Variants in MYO7A observed in about 807,000 individuals in gnomAD.
The protein encoded by MYO7A is myosin VIIA, also known as unconventional myosin-VIIa.
Under a neutral mutation model 263.8 loss-of-function variants are expected in MYO7A, and 210 were observed. The observed-to-expected ratio is 0.80, with a 90% CI of 0.71 to 0.89. The LOEUF (loss-of-function observed/expected upper bound fraction) is 0.89, where lower values mean the gene tolerates loss of function less well. Ranked by LOEUF, MYO7A falls within the 40% of genes least tolerant of loss-of-function variation. MYO7A has a pLI of 0.00. For missense variants in MYO7A, 2,820 were observed against 2,968.3 expected, an observed-to-expected ratio of 0.95 and a Z score of 1.16; for synonymous variants, 1,239 against 1,197.3, an observed-to-expected ratio of 1.03 and a Z score of -0.72.
intron 15 of MYO7A, among the ~76,000 whole-genome samples, chr11:77,166,929 C>CCTGTTGTAGTTT (rs1953602149): frequency 2.0e-5 from 3 of 152,170 alleles, no homozygotes; most frequent in Non-Finnish European, 4.4e-5. Context: ...CACCGTGGTT[C>CCTGTTGTAGTTT]CTGTTGTAGT....
At chr11:77,211,358 G>T in intron 45 of MYO7A, 21 bp downstream of exon 45, 1 of 1,560,810 alleles carries the variant, frequency 6.4e-7, no homozygotes, top group South Asian at 1.2e-5. Flanking sequence ...GGTGGGCATC[G>T]GGAATGGTGG....
Position 77,213,039 on chromosome 11 carries a change from A to G in MYO7A, c.6438+4A>G. 3 of 1,567,164 alleles carry G rather than the reference A, an allele frequency of 1.9e-6. No individual in the cohort carries two copies. Among genetic ancestry groups the G allele is most frequent in the Non-Finnish European group, 2.6e-6 (3 of 1,155,058 alleles). The stretch of plus-strand genomic sequence containing the variant: ...CCTCATCGATCCCAAAACGAAGGTG[A>G]GCAGGGATAAGGCAGCAAGTGGGGG... On this transcript the variant is annotated splice_donor_region_variant and intron_variant, in intron 47 of 48. Transcript: ENST00000409709.
At chr11:77,147,387 C>G (rs1419227465) in intron 3 of MYO7A, among the ~76,000 whole-genome samples, 1 of 151,086 alleles carries the variant, frequency 6.6e-6, no homozygotes, top group Non-Finnish European at 1.5e-5. Context: ...TATCTGAAAT[C>G]ACTTTTTAAT....
chr11:77,161,932 G>A (rs1414565249), intron 12 of MYO7A, among the ~76,000 whole-genome samples, 188 bp from the exon 13 acceptor site: 2 of 152,178 alleles, frequency 1.3e-5, no homozygotes, highest in African/African-American at 4.8e-5. Flanking sequence ...CTTTGCCCTT[G>A]CTGGGCCTCC....
rs782598897 is a variant in MYO7A at position 77,172,770 on chromosome 11, C to A, written c.1820C>A (p.Ser607Ter). 1.9e-6 allele frequency: 3 copies of A among 1,559,040 alleles called. No homozygotes were observed. Among genetic ancestry groups the A allele is most frequent in the Non-Finnish European group, 2.6e-6 (3 of 1,152,064 alleles). ...VAMGAETRKRSPTLSSQFKRS... is the reference protein window; with the variant it reads ...VAMGAETRKR The stretch of plus-strand genomic sequence containing the variant: ...CAGGGCGCCGAGACCAGGAAGCGCT[C>A]GCCCACACTTAGCAGCCAGTTCAAG... The change falls in exon 16 of 49, where the codon TCG (serine) becomes TAG (stop). Residue 607 changes from serine (S) to a stop codon, truncating the protein, a stop_gained. Coordinates refer to ENST00000409709, the MANE Select transcript of MYO7A (RefSeq NM_000260.4). LOFTEE classifies it high-confidence loss of function.
chr11:77,150,335 A>G (rs1951876608), intron 4 of MYO7A, among the ~76,000 whole-genome samples: 1 of 152,198 alleles, frequency 6.6e-6, no homozygotes, highest in South Asian at 2.1e-4. Context: ...GCATCAAGGA[A>G]CAAAGGCAAA....
rs782434607 is a variant in MYO7A, at chr11:77,156,666, A to G, written c.477A>G (p.Glu159=). Residue 159 remains glutamate, a synonymous_variant, in exon 6 of 49, where the codon GAA becomes GAG. Coordinates refer to ENST00000409709, the MANE Select transcript of MYO7A (RefSeq NM_000260.4). ...SRDQCCIISG[E]SGAGKTESTK... ...CCACTCCCTCCCTCTGCAGTGGGGA[A>G]TCTGGGGCCGGGAAGACGGAGAGCA... is the stretch of plus-strand genomic sequence containing the variant. 2 of 1,613,736 alleles carry G rather than the reference A, an allele frequency of 1.2e-6. No individual in the cohort carries two copies. Among genetic ancestry groups the G allele is most frequent in the Admixed American group, 1.7e-5 (1 of 60,016 alleles).
chr11:77,161,942 C>T (rs782279392), intron 12 of MYO7A, among the ~76,000 whole-genome samples, 178 bp from the exon 13 acceptor site: 7 of 152,210 alleles, frequency 4.6e-5, no homozygotes, highest in Non-Finnish European at 8.8e-5. Flanking sequence ...GCTGGGCCTC[C>T]GTGTCCTCCT....
chr11:77,153,472 C>T (rs1043148277), intron 4 of MYO7A, among the ~76,000 whole-genome samples: 5 of 152,080 alleles, frequency 3.3e-5, no homozygotes, highest in African/African-American at 7.2e-5. Flanking sequence ...TGGAGAAGGC[C>T]GTGGGTGCCA....
At chr11:77,212,243 C>T (rs1035109035) in intron 46 of MYO7A, 2 of 521,906 alleles carry the variant, frequency 3.8e-6, no homozygotes, top group Non-Finnish European at 7.4e-6. Context: ...GCTCGGGAGG[C>T]TCTGCCGGGT....
chr11:77,190,955 G>C (rs1201653592), intron 30 of MYO7A, 85 bp downstream of exon 30: 11 of 1,402,646 alleles, frequency 7.8e-6, no homozygotes, highest in Non-Finnish European at 1.1e-5. Context: ...CTACTTGCCG[G>C]GGCTATTCAC....
intron 11 of MYO7A, 132 bp downstream of exon 11, chr11:77,160,414 A>C: frequency 7.5e-7 from 1 of 1,332,436 alleles, no homozygotes; most frequent in Admixed American, 2.4e-5. Context: ...CCGGGGCTGC[A>C]GTCGGCCTTC....
At chr11:77,212,834 CCA>C in intron 46 of MYO7A, 116 bp from the exon 47 acceptor site, 1 of 837,074 alleles carries the variant, frequency 1.2e-6, no homozygotes, top group Non-Finnish European at 2.0e-6. Flanking sequence ...GCCGTCAGTA[CCA>C]CATAGGCAAC....
rs1555085099 is a variant in MYO7A at position 77,182,111 on chromosome 11, TCAAA to T, written c.3068_3071del (p.Lys1023SerfsTer38). ...ACGCACTCCTACACCCGGCGGCCAC[TCAAA>T]CAGCCACTGCTCTACCATGACGACG... On this transcript the variant is annotated frameshift_variant, in exon 24 of 49. Transcript: ENST00000409709. LOFTEE classifies it high-confidence loss of function. 1 of 1,613,330 alleles carries T rather than the reference TCAAA, an allele frequency of 6.2e-7. No homozygotes were observed.
In MYO7A at chr11:77,192,114, G is replaced by T. The variant is rs751586373; in HGVS notation, c.3988G>T (p.Ala1330Ser). 6.2e-7 allele frequency: 1 copy of T among 1,613,884 alleles called. No individual in the cohort carries two copies. The highest frequency in any genetic ancestry group is 8.5e-7 in the Non-Finnish European group (1 of 1,179,886). Residue 1330 changes from alanine to serine, a missense_variant, in exon 31 of 49, where the codon GCC (alanine) becomes TCC (serine). Ala to Ser is a moderately conservative substitution (Grantham distance 99). Coordinates refer to ENST00000409709, the MANE Select transcript of MYO7A (RefSeq NM_000260.4). ...MDAISQCEQY[A>S]KEQGAQERNA... The stretch of plus-strand genomic sequence containing the variant: ...CGCCATCTCCCAGTGCGAGCAGTAC[G>T]CCAAGGAGCAGGGCGCCCAGGAGCG...
intron 15 of MYO7A, among the ~76,000 whole-genome samples, chr11:77,166,750 T>C (rs1953587470): frequency 6.6e-6 from 1 of 152,196 alleles, no homozygotes; most frequent in South Asian, 2.1e-4. Context: ...GCCCCTTCCA[T>C]GCCTGTCTAG....
chr11:77,191,638 G>C (rs565611395), intron 30 of MYO7A, among the ~76,000 whole-genome samples: 17 of 152,326 alleles, frequency 1.1e-4, no homozygotes, highest in African/African-American at 3.6e-4. Context: ...CGGCTGAGCG[G>C]GACCTGGGGC....
intron 39 of MYO7A, among the ~76,000 whole-genome samples, chr11:77,204,663 C>T (rs1038123383): frequency 3.1e-4 from 47 of 152,322 alleles, no homozygotes; most frequent in African/African-American, 1.1e-3. Flanking sequence ...GTGCCACCTT[C>T]TCCTCCCGCT....
Position 77,181,482 on chromosome 11 carries a change from C to T in MYO7A, c.2797C>T (p.Arg933Cys), listed in dbSNP as rs782189807. The T allele has an allele frequency of 5.6e-6, 9 of 1,612,984 alleles. No homozygotes were observed. Among genetic ancestry groups the T allele is most frequent in the Admixed American group, 1.7e-5 (1 of 59,956 alleles). The part of the protein sequence containing the change: ...KELLEQMERA[R>C]HEPVNHSDMV... ...GCTCCTGGAGCAGATGGAAAGGGCC[C>T]GCCATGAGCCTGTCAATCACTCAGA... Residue 933 changes from arginine (R) to cysteine (C), a missense_variant, in exon 23 of 49, where the codon CGC becomes TGC. Coordinates refer to ENST00000409709, the MANE Select transcript of MYO7A (RefSeq NM_000260.4).
Sources: gnomAD v4.1 joint callset for allele counts (sites outside exome capture counted in the v4.1 genomes callset) on GRCh38, gnomAD v4.1.1 for gene constraint, MANE v1.5 for transcripts, NCBI Gene and HGNC (gene_info 2026-07-23, HGNC 2026-07-21) for gene names.